The following SLC35F5 variants were observed in gnomAD, a reference collection of about 807,000 sequenced individuals.
SLC35F5 encodes solute carrier family 35 member F5.
SLC35F5 carries 54 observed loss-of-function variants against 68.6 expected under a neutral mutation model. That is an observed-to-expected ratio of 0.79 (90% CI 0.63 to 0.99). SLC35F5 has a LOEUF of 0.99. Among genes scored for constraint, SLC35F5 ranks in the 50% least tolerant of loss-of-function variants. SLC35F5 has a pLI of 0.00. For missense variants in SLC35F5, 567 were observed against 626.9 expected, an observed-to-expected ratio of 0.90 and a Z score of 1.02; for synonymous variants, 211 against 205.2, an observed-to-expected ratio of 1.03 and a Z score of -0.24.
intron 3 of SLC35F5, among the ~76,000 whole-genome samples, chr2:113,750,807 G>A (rs895628746): frequency 2.6e-5 from 4 of 152,216 alleles, no homozygotes; most frequent in African/African-American, 7.2e-5. Context: ...TTTACCATTC[G>A]TTGGGACCTA....
At chr2:113,747,216 C>T (rs1180884366) in intron 4 of SLC35F5, among the ~76,000 whole-genome samples, 1 of 148,726 alleles carries the variant, frequency 6.7e-6, no homozygotes, top group Middle Eastern at 3.4e-3. Flanking sequence ...TGAACCAGGA[C>T]GTGGAGGTTG....
At position 113,755,504 on chromosome 2, in the gene SLC35F5, G is replaced by A; in HGVS notation, c.81C>T (p.Ala27=). 6.2e-7 allele frequency: 1 copy of A among 1,614,026 alleles called. No homozygotes were observed. The highest frequency in any genetic ancestry group is 1.1e-5 in the South Asian group (1 of 91,062). Residue 27 remains alanine (A), a synonymous_variant, in exon 2 of 16, where the codon GCC becomes GCT. Transcript: ENST00000245680. ...CCTCAAGAGCAATGCCGGAAAACTT[G>A]GCAGATCTCAGTCTAAAAGGAGGTG... ...SSSPPFRLRS[A]KFSGIALEDL...
Position 113,712,713 on chromosome 2 carries a change from T to C in SLC35F5, c.*2505A>G, listed in dbSNP as rs1687033167. 1 of 152,242 alleles carries C rather than the reference T, an allele frequency of 6.6e-6. No homozygotes were observed. The highest frequency in any genetic ancestry group is 2.4e-5 in the African/African-American group (1 of 41,474). 9.4% of individuals were successfully genotyped at this position (152,242 alleles called of 1,614,324 possible). On this transcript the variant is annotated 3_prime_UTR_variant, in exon 16 of 16. Coordinates refer to ENST00000245680, the MANE Select transcript of SLC35F5 (RefSeq NM_025181.5). ...AAGTCCCTGACAAAACAGACTTCCTTCAATCCAGGTCATAATTTGAAACGT... is the reference window on the plus strand; with the variant it reads ...AAGTCCCTGACAAAACAGACTTCCTCCAATCCAGGTCATAATTTGAAACGT...
intron 4 of SLC35F5, among the ~76,000 whole-genome samples, chr2:113,750,185 A>G (rs1466417307): frequency 6.6e-6 from 1 of 152,180 alleles, no homozygotes; most frequent in Non-Finnish European, 1.5e-5. Context: ...CTAATTCAAG[A>G]ATTTTTAACA....
rs1687004041 is a variant in SLC35F5, at chr2:113,712,024, T to C, written c.*3194A>G. Among the ~76,000 whole-genome samples the C allele has an allele frequency of 2.0e-5, 3 of 152,226 alleles. No homozygotes were observed. The South Asian group carries it at 6.2e-4, about 32-fold the overall frequency. Reference sequence around the variant, plus strand: ...GCATACCCTGGAGTCATACCTCAAATTGGCTCTGCATGATTGATTTTACAG... The same window carrying C: ...GCATACCCTGGAGTCATACCTCAAACTGGCTCTGCATGATTGATTTTACAG... On this transcript the variant is annotated 3_prime_UTR_variant, in exon 16 of 16. Coordinates refer to ENST00000245680, the MANE Select transcript of SLC35F5 (RefSeq NM_025181.5).
chr2:113,730,490 G>A (rs552826703), intron 10 of SLC35F5, among the ~76,000 whole-genome samples: 1 of 152,342 alleles, frequency 6.6e-6, no homozygotes, highest in South Asian at 2.1e-4. Flanking sequence ...AGAAAGAGGT[G>A]AGGAGGTTCA....
rs542593414 is a variant in SLC35F5, at chr2:113,749,591, A to C, written c.417+834T>G. Among the ~76,000 whole-genome samples, 3 of 152,346 alleles carry C rather than the reference A, an allele frequency of 2.0e-5. No homozygotes were observed. The South Asian group carries it at 6.2e-4, about 32-fold the overall frequency. ...ACCCACAAAAAATAATACACACGAA[A>C]GAAAAAGATTAAGAGAGACAGAAAA... is the stretch of plus-strand genomic sequence containing the variant. On this transcript the variant is annotated intron_variant, in intron 4 of 15. Transcript: ENST00000245680.
intron 4 of SLC35F5, among the ~76,000 whole-genome samples, chr2:113,747,156 C>T (rs970563832): frequency 1.3e-5 from 2 of 151,594 alleles, no homozygotes; most frequent in Non-Finnish European, 2.9e-5. Context: ...GGCACAGTGG[C>T]GCATGCCTGT....
chr2:113,729,071 G>A (rs1687779603), intron 11 of SLC35F5, among the ~76,000 whole-genome samples: 1 of 152,204 alleles, frequency 6.6e-6, no homozygotes, highest in Non-Finnish European at 1.5e-5. Flanking sequence ...GTAAAATACA[G>A]CAGGTAAACT....
intron 2 of SLC35F5, 41 bp downstream of exon 2, chr2:113,755,413 T>G: frequency 6.2e-7 from 1 of 1,609,412 alleles, no homozygotes. Context: ...TTAGCTAATG[T>G]TCAGTGTGAA....
At chr2:113,725,257 T>A in intron 12 of SLC35F5, 121 bp downstream of exon 12, 1 of 846,862 alleles carries the variant, frequency 1.2e-6, no homozygotes. Flanking sequence ...AAGTATTCAG[T>A]TGTATGTGTG....
rs182141742 is a variant in SLC35F5 at position 113,748,048 on chromosome 2, C to T, written c.418-1709G>A. Among the ~76,000 whole-genome samples, 98 of 152,214 alleles carry T rather than the reference C, an allele frequency of 6.4e-4. 1 individual carries two copies. The highest frequency in any genetic ancestry group is 1.6e-3 in the African/African-American group (67 of 41,524). On this transcript the variant is annotated intron_variant, in intron 4 of 15. Coordinates refer to ENST00000245680, the MANE Select transcript of SLC35F5 (RefSeq NM_025181.5). ...TGGAGGTTTCAGTGAGCTGAGATCG[C>T]GCCACTGCACTCTAGCCTGGACAAG... is the stretch of plus-strand genomic sequence containing the variant.
intron 14 of SLC35F5, among the ~76,000 whole-genome samples, 163 bp from the exon 15 acceptor site, chr2:113,718,013 T>C (rs910296275): frequency 5.3e-5 from 8 of 152,150 alleles, no homozygotes; most frequent in African/African-American, 1.9e-4. Context: ...AGTTAGCGTT[T>C]TTTGTTTTTG....
chr2:113,736,254 C>T (rs1179837913), intron 7 of SLC35F5, among the ~76,000 whole-genome samples: 1 of 148,778 alleles, frequency 6.7e-6, no homozygotes, highest in Non-Finnish European at 1.5e-5. Flanking sequence ...GCCTGGGCAA[C>T]ACAGTGAAAC....
intron 4 of SLC35F5, among the ~76,000 whole-genome samples, chr2:113,749,098 C>G (rs1052988991): frequency 6.6e-6 from 1 of 152,122 alleles, no homozygotes; most frequent in Non-Finnish European, 1.5e-5. Context: ...CACTATGGCC[C>G]AGGCAGGTCT....
Position 113,712,353 on chromosome 2 carries a change from G to A in SLC35F5, c.*2865C>T, listed in dbSNP as rs1687019252. Among the ~76,000 whole-genome samples, 4 of 151,024 alleles carry A rather than the reference G, an allele frequency of 2.6e-5. No homozygotes were observed. The South Asian group carries it at 8.3e-4, about 31-fold the overall frequency. Reference sequence around the variant, plus strand: ...TTTTTTTTTGAGACGGAGTCTCGCTGTCGCCCAGGCTGGAGTGCAGGGGCA... The same window carrying A: ...TTTTTTTTTGAGACGGAGTCTCGCTATCGCCCAGGCTGGAGTGCAGGGGCA... On this transcript the variant is annotated 3_prime_UTR_variant, in exon 16 of 16. Transcript: ENST00000245680.
intron 6 of SLC35F5, 83 bp from the exon 7 acceptor site, chr2:113,742,962 A>G (rs954844900): frequency 1.5e-5 from 19 of 1,309,966 alleles, no homozygotes; most frequent in Non-Finnish European, 1.7e-5. Context: ...TGATAAATGT[A>G]TAAGTTCATC....
In SLC35F5 at chr2:113,735,804, T is replaced by TA. The variant is rs1408676136; in HGVS notation, c.804dup (p.Ile269TyrfsTer3). On this transcript the variant is annotated frameshift_variant, in exon 8 of 16. Transcript: ENST00000245680. LOFTEE classifies it high-confidence loss of function. ...GAAGTTGAAGATAAAATATTAACTA[T>TA]AGCAACTTGTGTGTCTGAAAGTGCT... is the stretch of plus-strand genomic sequence containing the variant. 1 of 1,607,296 alleles carries TA rather than the reference T, an allele frequency of 6.2e-7. No homozygotes were observed. Among genetic ancestry groups the TA allele is most frequent in the African/African-American group, 1.3e-5 (1 of 74,610 alleles).
At chr2:113,743,550 TA>T (rs1470130098) in intron 6 of SLC35F5, among the ~76,000 whole-genome samples, 162 bp downstream of exon 6, 1 of 152,220 alleles carries the variant, frequency 6.6e-6, no homozygotes, top group African/African-American at 2.4e-5. Flanking sequence ...ATGATTATAC[TA>T]TATTAGATTC....
Sources: gnomAD v4.1 joint callset for allele counts (sites outside exome capture counted in the v4.1 genomes callset) on GRCh38, gnomAD v4.1.1 for gene constraint, MANE v1.5 for transcripts, NCBI Gene and HGNC (gene_info 2026-07-23, HGNC 2026-07-21) for gene names.